RBM5: variants seen among roughly 807,000 people sequenced by gnomAD.
RBM5 encodes the protein RNA-binding protein 5.
A neutral mutation model predicts 124.6 loss-of-function variants in RBM5; 15 were observed. That is an observed-to-expected ratio of 0.12 (90% CI 0.08 to 0.19). RBM5 has a LOEUF of 0.19. RBM5 is among the 10% of genes least tolerant of loss of function. The pLI is 1.00. For missense variants in RBM5, 580 were observed against 1,026.5 expected, an observed-to-expected ratio of 0.57 and a Z score of 5.94; for synonymous variants, 337 against 361.2, an observed-to-expected ratio of 0.93 and a Z score of 0.76.
At chr3:50,092,717 G>T (rs1424863252) in intron 3 of RBM5, 4 of 452,914 alleles carry the variant, frequency 8.8e-6, no homozygotes, top group Non-Finnish European at 1.8e-5. Flanking sequence ...ATGGGGTTAT[G>T]ATAACATATT....
intron 7 of RBM5, among the ~76,000 whole-genome samples, chr3:50,103,601 G>A (rs941896308): frequency 1.7e-4 from 26 of 152,096 alleles, no homozygotes; most frequent in African/African-American, 5.8e-4. Context: ...AGCCAAGATC[G>A]CGCCACTGCA....
intron 20 of RBM5, chr3:50,114,826 C>T (rs2091213625): frequency 6.5e-6 from 1 of 152,946 alleles, no homozygotes; most frequent in Non-Finnish European, 1.4e-5. Flanking sequence ...TACCATTGCA[C>T]TCCAGCCTGG....
Position 50,108,246 on chromosome 3 carries a change from T to A in RBM5, c.1134T>A (p.Tyr378Ter). 1 of 1,613,340 alleles carries A rather than the reference T, an allele frequency of 6.2e-7. No individual in the cohort carries two copies. The highest frequency in any genetic ancestry group is 2.2e-5 in the East Asian group (1 of 44,878). ...YAQYAQYSQD[Y>*]QQFYQQQAGG... ...CTTTTCTTCAGTATTCACAGGATTA[T>A]CAGCAGTTTTATCAACAACAAGCTG... Residue 378 changes from tyrosine (Y) to a stop codon, truncating the protein, a stop_gained, in exon 14 of 25, where the codon TAT (tyrosine) becomes TAA (stop). Transcript: ENST00000347869. LOFTEE classifies it high-confidence loss of function.
At chr3:50,112,865 T>A (rs1295021299) in intron 17 of RBM5, 1 of 152,318 alleles carries the variant, frequency 6.6e-6, no homozygotes, top group Admixed American at 6.5e-5. Context: ...TATTATCATT[T>A]TTTTTGAGAT....
At chr3:50,093,557 A>T (rs998506798) in intron 3 of RBM5, among the ~76,000 whole-genome samples, 163 bp from the exon 4 acceptor site, 6 of 151,890 alleles carry the variant, frequency 4.0e-5, no homozygotes, top group Non-Finnish European at 7.4e-5. Flanking sequence ...TGGGTAACAT[A>T]GTGAGACCCC....
rs2091004426 is a variant in RBM5 at position 50,105,079 on chromosome 3, T to G, written c.631T>G (p.Ser211Ala). Residue 211 changes from serine (S) to alanine (A), a missense_variant and splice_region_variant, in exon 9 of 25, where the codon TCT becomes GCT. By Grantham distance (99) the Ser-to-Ala change is moderately conservative. Around this residue, in one of 6 missense-constraint regions of RBM5, gnomAD observed 101 missense variants for 223.2 expected, o/e 0.45. Transcript: ENST00000347869. Reference sequence around the variant, plus strand: ...AATTGGATCACTTTCCCTTCTAGACTCTGAACAGGAAGTGCCTCCTGGAAC... The same window carrying G: ...AATTGGATCACTTTCCCTTCTAGACGCTGAACAGGAAGTGCCTCCTGGAAC... ...CFRCGADKFD[S>A]EQEVPPGTTE... is the part of the protein sequence containing the mutation. 1 of 1,580,226 alleles carries G rather than the reference T, an allele frequency of 6.3e-7. No individual in the cohort carries two copies. The highest frequency in any genetic ancestry group is 8.7e-7 in the Non-Finnish European group (1 of 1,150,134).
chr3:50,115,955 A>T lies in RBM5; in HGVS notation c.2069A>T (p.Glu690Val), dbSNP rs2109020302. The change falls in exon 22 of 25, where the codon GAA (glutamate) becomes GTA (valine). Residue 690 changes from glutamate to valine, a missense_variant. Physicochemically the swap from Glu to Val is moderately radical, Grantham distance 121. Coordinates refer to ENST00000347869, the MANE Select transcript of RBM5 (RefSeq NM_005778.4). ...RRSRLSEQELEALELREREMK... is the reference protein window; with the variant it reads ...RRSRLSEQELVALELREREMK... ...TCCAGGCTGAGCGAGCAGGAGCTGG[A>T]AGCCTTGGAGCTAAGGGAGAGAGAG... 1 of 1,613,928 alleles carries T rather than the reference A, an allele frequency of 6.2e-7. No homozygotes were observed. Among genetic ancestry groups the T allele is most frequent in the Non-Finnish European group, 8.5e-7 (1 of 1,179,764 alleles).
intron 11 of RBM5, 135 bp downstream of exon 11, chr3:50,106,999 C>G: frequency 1.3e-6 from 1 of 777,288 alleles, no homozygotes; most frequent in Non-Finnish European, 2.3e-6. Flanking sequence ...CCAGGAGGGA[C>G]ACGTTTGTCT....
In RBM5 at chr3:50,092,215, G is replaced by C; in HGVS notation, c.183+7G>C. The C allele has an allele frequency of 6.2e-7, 1 of 1,610,928 alleles. No individual in the cohort carries two copies. Among genetic ancestry groups the C allele is most frequent in the Non-Finnish European group, 8.5e-7 (1 of 1,178,814 alleles). ...AGACTATGACAGTCCAGAGGTGAGT[G>C]ACCAGCGGCTGTATAACCCCCCAAA... is the stretch of plus-strand genomic sequence containing the variant. On this transcript the variant is annotated splice_region_variant and intron_variant, in intron 3 of 24. Coordinates refer to ENST00000347869, the MANE Select transcript of RBM5 (RefSeq NM_005778.4).
rs2091275594 is a variant in RBM5, at chr3:50,117,440, A to G, written c.2322+61A>G. On this transcript the variant is annotated intron_variant, in intron 24 of 24. Transcript: ENST00000347869. The surrounding 1 kb of genome is among the most constrained non-coding windows in gnomAD (Gnocchi z 4.2). The stretch of plus-strand genomic sequence containing the variant: ...CTTACAGGCCGGTTCCAGAGATGAG[A>G]TCAGAGCACTCATAGAGCCTGGGAG... The G allele has an allele frequency of 6.2e-7, 1 of 1,601,468 alleles. No homozygotes were observed. The highest frequency in any genetic ancestry group is 1.7e-5 in the Admixed American group (1 of 59,518).
At chr3:50,105,468 G>A (rs2091011256) in intron 9 of RBM5, 81 bp from the exon 10 acceptor site, 2 of 1,395,630 alleles carry the variant, frequency 1.4e-6, no homozygotes, top group Non-Finnish European at 9.9e-7. Context: ...GGATTTGTAT[G>A]TACTTGACCC....
intron 11 of RBM5, 131 bp downstream of exon 11, chr3:50,106,995 G>A: frequency 1.3e-6 from 1 of 797,504 alleles, no homozygotes; most frequent in Middle Eastern, 2.2e-4. Context: ...AAGGCCAGGA[G>A]GGACACGTTT....
intron 17 of RBM5, 37 bp downstream of exon 17, chr3:50,110,807 G>A (rs2091129791): frequency 1.3e-6 from 2 of 1,523,226 alleles, no homozygotes; most frequent in South Asian, 1.2e-5. Flanking sequence ...TTCACTAGAA[G>A]TAGTTTCGCT....
intron 8 of RBM5, 29 bp downstream of exon 8, chr3:50,104,337 T>A: frequency 6.2e-7 from 1 of 1,606,772 alleles, no homozygotes; most frequent in Non-Finnish European, 8.5e-7. Context: ...GTTTGCAATA[T>A]GCATTAAAAC....
chr3:50,107,603 T>C, intron 12 of RBM5, 34 bp downstream of exon 12: 1 of 1,478,024 alleles, frequency 6.8e-7, no homozygotes, highest in Non-Finnish European at 9.4e-7. Flanking sequence ...CAAGGTAGTG[T>C]GGTGGTGGTG....
chr3:50,092,561 C>CA (rs1156471002), intron 3 of RBM5, among the ~76,000 whole-genome samples: 1,425 of 66,122 alleles, frequency 0.022, 12 homozygotes, highest in African/African-American at 0.049. Flanking sequence ...GACTCCATCT[C>CA]AAAAAAAAAA....
intron 2 of RBM5, among the ~76,000 whole-genome samples, 177 bp downstream of exon 2, chr3:50,090,628 G>A (rs1237066023): frequency 6.6e-6 from 1 of 152,214 alleles, no homozygotes; most frequent in East Asian, 1.9e-4. Context: ...AGTACTGTGT[G>A]AACATGCTGT....
intron 7 of RBM5, among the ~76,000 whole-genome samples, chr3:50,103,708 T>A (rs1283457973): frequency 6.6e-6 from 1 of 152,158 alleles, no homozygotes; most frequent in Non-Finnish European, 1.5e-5. Flanking sequence ...AGATTTTAGG[T>A]GTGTTTCATG....
intron 7 of RBM5, among the ~76,000 whole-genome samples, chr3:50,103,631 G>C (rs1004657545): frequency 1.3e-5 from 2 of 152,146 alleles, no homozygotes; most frequent in African/African-American, 4.8e-5. Flanking sequence ...GGGTGACAGA[G>C]TGAGACTCTG....
Sources: gnomAD v4.1 joint callset for allele counts (sites outside exome capture counted in the v4.1 genomes callset) on GRCh38, gnomAD v4.1.1 for gene constraint, gnomAD v4.1.1 regional missense constraint, Gnocchi (gnomAD v3.1) non-coding constraint, MANE v1.5 for transcripts, NCBI Gene and HGNC (gene_info 2026-07-23, HGNC 2026-07-21) for gene names.